The following TYW1B variants were observed in gnomAD, a reference collection of about 807,000 sequenced individuals.
The protein encoded by TYW1B is S-adenosyl-L-methionine-dependent tRNA 4-demethylwyosine synthase TYW1B.
Under a neutral mutation model 86.9 loss-of-function variants are expected in TYW1B, and 73 were observed. That is an observed-to-expected ratio of 0.84 (90% confidence interval 0.70 to 1.02). The LOEUF is 1.02. Ranked by LOEUF, TYW1B falls within the 50% of genes least tolerant of loss-of-function variation. The pLI, the probability that TYW1B is intolerant of heterozygous loss-of-function variation, is 0.00. For missense variants in TYW1B, 637 were observed against 827.4 expected, an observed-to-expected ratio of 0.77 and a Z score of 2.82; for synonymous variants, 248 against 292.8, an observed-to-expected ratio of 0.85 and a Z score of 1.56.
intron 12 of TYW1B, among the ~76,000 whole-genome samples, chr7:72,618,538 A>G (rs1206270766): frequency 6.6e-6 from 1 of 152,012 alleles, no homozygotes; most frequent in Admixed American, 6.6e-5. Flanking sequence ...TTAAAAACCA[A>G]CAAATGAGCA....
rs187822084 is a variant in TYW1B at position 72,685,122 on chromosome 7, A to G, written c.1506+9565T>C. Among the ~76,000 whole-genome samples the G allele has an allele frequency of 4.5e-3, 691 of 152,094 alleles. 3 individuals carry two copies. The highest frequency in any genetic ancestry group is 7.9e-3 in the Non-Finnish European group (539 of 67,984). On this transcript the variant is annotated intron_variant, in intron 11 of 13. Coordinates refer to ENST00000620995, the MANE Select transcript of TYW1B (RefSeq NM_001145440.3). ...GTGAGACTCAATCTCGAAAAAAAAAAAAAAAGAAAAAAGATTATTTTGTTA... is the reference window on the plus strand; with the variant it reads ...GTGAGACTCAATCTCGAAAAAAAAAGAAAAAGAAAAAAGATTATTTTGTTA...
intron 11 of TYW1B, among the ~76,000 whole-genome samples, chr7:72,647,110 A>G (rs1812947507): frequency 6.6e-6 from 1 of 152,208 alleles, no homozygotes; most frequent in Non-Finnish European, 1.5e-5. Flanking sequence ...GTACTGACTT[A>G]CTGGTAATCA....
chr7:72,683,059 G>A lies in TYW1B; in HGVS notation c.1506+11628C>T, dbSNP rs538538867. On this transcript the variant is annotated intron_variant, in intron 11 of 13. Coordinates refer to ENST00000620995, the MANE Select transcript of TYW1B (RefSeq NM_001145440.3). ...TGTTGATAACAAGGTCTGCTCTCAGGAGAACCGATTTAACCAGAACCTAAC... is the reference window on the plus strand; with the variant it reads ...TGTTGATAACAAGGTCTGCTCTCAGAAGAACCGATTTAACCAGAACCTAAC... Among the ~76,000 whole-genome samples, 4 of 152,290 alleles carry A rather than the reference G, an allele frequency of 2.6e-5. No homozygotes were observed. In the East Asian group the frequency reaches 7.7e-4, roughly 29 times the overall value.
intron 11 of TYW1B, among the ~76,000 whole-genome samples, chr7:72,684,205 G>A (rs1240853567): frequency 6.6e-6 from 1 of 151,920 alleles, no homozygotes; most frequent in African/African-American, 2.4e-5. Flanking sequence ...TTAATGTCAG[G>A]CCCCAAACCA....
intron 13 of TYW1B, among the ~76,000 whole-genome samples, chr7:72,614,156 CT>C (rs1396344536): frequency 6.6e-6 from 1 of 151,774 alleles, no homozygotes; most frequent in African/African-American, 2.4e-5. Flanking sequence ...TATCATTGCA[CT>C]TTTTTGTAAA....
At chr7:72,669,134 C>CTTTTTTT (rs781821639) in intron 11 of TYW1B, among the ~76,000 whole-genome samples, 11 of 81,522 alleles carry the variant, frequency 1.3e-4, no homozygotes, top group Non-Finnish European at 1.5e-4. Context: ...TAATTTTAAA[C>CTTTTTTT]TTTTTTTTTT....
chr7:72,620,522 A>T (rs1812188523), intron 12 of TYW1B, among the ~76,000 whole-genome samples: 1 of 152,056 alleles, frequency 6.6e-6, no homozygotes, highest in Non-Finnish European at 1.5e-5. Context: ...CTGGGCAGAA[A>T]ATGTTCTTGG....
intron 11 of TYW1B, among the ~76,000 whole-genome samples, chr7:72,687,193 T>C (rs1231958073): frequency 2.6e-5 from 4 of 152,150 alleles, no homozygotes; most frequent in Non-Finnish European, 4.4e-5. Flanking sequence ...CCCAGAACTT[T>C]GGGAGGGTAA....
At chr7:72,813,421 C>T (rs1788662002) in intron 3 of TYW1B, among the ~76,000 whole-genome samples, 1 of 152,160 alleles carries the variant, frequency 6.6e-6, no homozygotes, top group Non-Finnish European at 1.5e-5. Context: ...GGTGATCCAC[C>T]TACCTCGGAC....
Position 72,756,873 on chromosome 7 carries a change from T to C in TYW1B, c.965-12272A>G, listed in dbSNP as rs183462057. ...TAAGGAAGATATACAAACATCCAAT[T>C]TGCAAGTGAAAAGATGCTCAACATC... On this transcript the variant is annotated intron_variant, in intron 7 of 13. Transcript: ENST00000620995. Among the ~76,000 whole-genome samples the C allele has an allele frequency of 4.6e-5, 7 of 152,220 alleles. No individual in the cohort carries two copies. In the East Asian group the frequency reaches 1.4e-3, roughly 29 times the overall value.
At chr7:72,770,953 CTTTTTTTTT>C (rs202136569) in intron 7 of TYW1B, among the ~76,000 whole-genome samples, 2 of 87,500 alleles carry the variant, frequency 2.3e-5, no homozygotes, top group African/African-American at 9.0e-5. Context: ...TATGAATTTC[CTTTTTTTTT>C]TTTTTTTTTT....
At chr7:72,684,206 C>A (rs782411083) in intron 11 of TYW1B, among the ~76,000 whole-genome samples, 3 of 151,964 alleles carry the variant, frequency 2.0e-5, no homozygotes, top group Non-Finnish European at 4.4e-5. Flanking sequence ...TAATGTCAGG[C>A]CCCAAACCAC....
chr7:72,653,642 TG>T (rs1779417260), intron 11 of TYW1B, among the ~76,000 whole-genome samples: 1 of 140,624 alleles, frequency 7.1e-6, no homozygotes, highest in Non-Finnish European at 1.6e-5. Context: ...GCTAACCAGC[TG>T]GGATTTATTC....
intron 11 of TYW1B, among the ~76,000 whole-genome samples, chr7:72,632,355 T>TATTA (rs1491329360): frequency 8.5e-6 from 1 of 117,936 alleles, no homozygotes; most frequent in African/African-American, 3.7e-5. Context: ...ATTATATATA[T>TATTA]TATATATATA....
chr7:72,800,707 C>CAAA (rs60686482), intron 6 of TYW1B, among the ~76,000 whole-genome samples: 1 of 127,960 alleles, frequency 7.8e-6, no homozygotes, highest in East Asian at 2.4e-4. Flanking sequence ...CTCGAAAAGT[C>CAAA]AAAAAAAAAA....
intron 13 of TYW1B, among the ~76,000 whole-genome samples, chr7:72,596,827 T>C (rs1174475705): frequency 6.6e-6 from 1 of 151,416 alleles, no homozygotes; most frequent in African/African-American, 2.4e-5. Context: ...ATCAACAGAG[T>C]AAAAAGGCAA....
intron 11 of TYW1B, among the ~76,000 whole-genome samples, chr7:72,656,249 G>A (rs191474603): frequency 1.1e-4 from 16 of 152,198 alleles, no homozygotes; most frequent in Admixed American, 2.6e-4. Flanking sequence ...AGACTACACT[G>A]CTGCACCCAC....
chr7:72,610,526 C>T (rs1434500586), intron 13 of TYW1B, among the ~76,000 whole-genome samples: 2 of 151,952 alleles, frequency 1.3e-5, no homozygotes, highest in Admixed American at 1.3e-4. Context: ...TACCACTCAC[C>T]ACTCTCATTC....
chr7:72,653,168 G>C (rs143996462), intron 11 of TYW1B, among the ~76,000 whole-genome samples: 1,928 of 152,162 alleles, frequency 0.013, 37 homozygotes, highest in African/African-American at 0.043. Context: ...AGTCAGAGCA[G>C]AAATCAATAA....
Sources: gnomAD v4.1 joint callset for allele counts (sites outside exome capture counted in the v4.1 genomes callset) on GRCh38, gnomAD v4.1.1 for gene constraint, MANE v1.5 for transcripts, NCBI Gene and HGNC (gene_info 2026-07-23, HGNC 2026-07-21) for gene names.